Variants in SLC34A3 observed in about 807,000 individuals in gnomAD.
SLC34A3 encodes solute carrier family 34 member 3.
Under a neutral mutation model 43.9 loss-of-function variants are expected in SLC34A3, and 60 were observed. The observed-to-expected ratio is 1.37, with a 90% CI of 1.11 to 1.70. SLC34A3 has a LOEUF of 1.70. Among genes scored for constraint, SLC34A3 ranks in the 40% most tolerant of loss-of-function variants. The pLI, the probability that SLC34A3 is intolerant of heterozygous loss-of-function variation, is 0.00. For missense variants in SLC34A3, 969 were observed against 823.8 expected, an observed-to-expected ratio of 1.18 and a Z score of -2.16; for synonymous variants, 451 against 386.2, an observed-to-expected ratio of 1.17 and a Z score of -1.97.
chr9:137,234,810 G>A lies in SLC34A3; in HGVS notation c.1335+79G>A, dbSNP rs367885748. On this transcript the variant is annotated intron_variant, in intron 12 of 12. Transcript: ENST00000673835. The surrounding 1 kb of genome is among the most constrained non-coding windows in gnomAD (Gnocchi z 6.9). The stretch of plus-strand genomic sequence containing the variant: ...CAGACAGGAGTGTGTCACCAGCCCC[G>A]GGGCCCTAGGCTGGCTGTGCCCCCG... The A allele has an allele frequency of 5.3e-5, 85 of 1,592,414 alleles. No homozygotes were observed. The highest frequency in any genetic ancestry group is 1.5e-4 in the Admixed American group (9 of 59,802).
rs1836297463 is a variant in SLC34A3, at chr9:137,232,704, G to A, written c.304+1G>A. 1 of 1,612,848 alleles carries A rather than the reference G, an allele frequency of 6.2e-7. No homozygotes were observed. The highest frequency in any genetic ancestry group is 8.5e-7 in the Non-Finnish European group (1 of 1,179,968). On this transcript the variant is annotated splice_donor_variant, in intron 4 of 12. Coordinates refer to ENST00000673835, the MANE Select transcript of SLC34A3 (RefSeq NM_001177316.2). LOFTEE classifies it high-confidence loss of function. ...AGCTCCGCCTTCCAGCTGCTGGGCA[G>A]TGAGTGACGGGACGGGTGCCCAGGG...
At position 137,236,403 on chromosome 9, in the gene SLC34A3, C is replaced by T; in HGVS notation, c.1787C>T (p.Ser596Phe). The change falls in exon 13 of 13, where the codon TCC becomes TTC. Residue 596 changes from serine to phenylalanine, a missense_variant. Transcript: ENST00000673835. ...YCYENPEILA[S>F]QQL The stretch of plus-strand genomic sequence containing the variant: ...TACGAGAACCCTGAGATCTTGGCCT[C>T]CCAGCAGTTGTGACGGGCAGTTGCT... 6.5e-7 allele frequency: 1 copy of T among 1,537,272 alleles called. No individual in the cohort carries two copies. Among genetic ancestry groups the T allele is most frequent in the Non-Finnish European group, 8.7e-7 (1 of 1,146,714 alleles).
Position 137,233,316 on chromosome 9 carries a change from C to T in SLC34A3, c.668C>T (p.Ala223Val), listed in dbSNP as rs1465859696. 6.3e-7 allele frequency: 1 copy of T among 1,597,388 alleles called. No individual in the cohort carries two copies. Among genetic ancestry groups the T allele is most frequent in the Non-Finnish European group, 8.5e-7 (1 of 1,172,970 alleles). ...TALLERLSEL[A>V]LGAASLTPRA... is the part of the protein sequence containing the mutation. ...CTGCTGGAGAGGCTAAGTGAGCTAG[C>T]CCTGGGTGCCGCCAGCCTGACACCC... The change falls in exon 7 of 13, where the codon GCC becomes GTC. Residue 223 changes from alanine (A) to valine (V), a missense_variant. Ala to Val is a moderately conservative substitution (Grantham distance 64). Transcript: ENST00000673835.
At position 137,233,664 on chromosome 9, in the gene SLC34A3, C is replaced by T; in HGVS notation, c.788C>T (p.Thr263Ile). The change falls in exon 8 of 13, where the codon ACA becomes ATA. Residue 263 changes from threonine (T) to isoleucine (I), a missense_variant. Thr to Ile is a moderately conservative substitution (Grantham distance 89, BLOSUM62 -1). Transcript: ENST00000673835. Reference sequence around the variant, plus strand: ...TCCGACATGATCATGAGCAGTGCCACAGGCAACGCCACTAACAGCAGTCTC... The same window carrying T: ...TCCGACATGATCATGAGCAGTGCCATAGGCAACGCCACTAACAGCAGTCTC... ...LDSDMIMSSA[T>I]GNATNSSLIK... 6.2e-7 allele frequency: 1 copy of T among 1,612,800 alleles called. No homozygotes were observed. Among genetic ancestry groups the T allele is most frequent in the East Asian group, 2.2e-5 (1 of 44,860 alleles).
intron 4 of SLC34A3, 26 bp from the exon 5 acceptor site, chr9:137,232,758 T>G (rs1428878472): frequency 1.2e-6 from 2 of 1,612,944 alleles, no homozygotes; most frequent in South Asian, 2.2e-5. Flanking sequence ...CTCCGCAGCT[T>G]CAGCGCACCT....
At chr9:137,230,109 G>C (rs1232522938), upstream of SLC34A3, among the ~76,000 whole-genome samples, 1 of 152,150 alleles carries the variant, frequency 6.6e-6, no homozygotes, top group African/African-American at 2.4e-5. Flanking sequence ...CCCTGGGCAG[G>C]GTGAGCCTCT....
chr9:137,233,779 T>TTGCGCCCCCCCC, intron 8 of SLC34A3, 57 bp downstream of exon 8: 1 of 1,445,822 alleles, frequency 6.9e-7, no homozygotes, highest in Non-Finnish European at 9.6e-7. Context: ...TGCTGAGTCA[T>TTGCGCCCCCCCC]CCCGCCCCAC....
In SLC34A3 at chr9:137,232,116, C is replaced by T. The variant is rs1836255839; in HGVS notation, c.130C>T (p.Pro44Ser). The change falls in exon 3 of 13, where the codon CCC becomes TCC. Residue 44 changes from proline to serine, a missense_variant. By Grantham distance (74) the Pro-to-Ser change is moderately conservative. Transcript: ENST00000673835. Reference protein sequence around the residue: ...APVLEEGDTDPWTLPQLKDTS... With the variant: ...APVLEEGDTDSWTLPQLKDTS... ...AGTCTTGGAGGAAGGGGACACAGAC[C>T]CCTGGACCCTCCCTCAGCTGAAGGA... 9 of 1,613,186 alleles carry T rather than the reference C, an allele frequency of 5.6e-6. No individual in the cohort carries two copies. Among genetic ancestry groups the T allele is most frequent in the Non-Finnish European group, 7.6e-6 (9 of 1,180,010 alleles).
At chr9:137,233,779 T>TTGGGGCCCCCCCCCCCCCCCCCCCCC in intron 8 of SLC34A3, 57 bp downstream of exon 8, 13 of 1,445,536 alleles carry the variant, frequency 9.0e-6, no homozygotes, top group East Asian at 7.0e-5. Flanking sequence ...TGCTGAGTCA[T>TTGGGGCCCCCCCCCCCCCCCCCCCCC]CCCGCCCCAC....
At chr9:137,230,139 C>A (rs1187699827), upstream of SLC34A3, among the ~76,000 whole-genome samples, 1 of 152,096 alleles carries the variant, frequency 6.6e-6, no homozygotes, top group Admixed American at 6.5e-5. Flanking sequence ...GCCCCGCACC[C>A]CAGGGCAGGA....
In SLC34A3 at chr9:137,232,874, T is replaced by C; in HGVS notation, c.395T>C (p.Val132Ala). The C allele has an allele frequency of 6.2e-7, 1 of 1,611,908 alleles. No individual in the cohort carries two copies. Among genetic ancestry groups the C allele is most frequent in the Non-Finnish European group, 8.5e-7 (1 of 1,179,522 alleles). ...ATTGGCGTGCTGGTCACAGCCCTGGTGCAGAGTTCCAGCACGTCCTCCTCC... is the reference window on the plus strand; with the variant it reads ...ATTGGCGTGCTGGTCACAGCCCTGGCGCAGAGTTCCAGCACGTCCTCCTCC... The part of the protein sequence containing the change: ...LVIGVLVTAL[V>A]QSSSTSSSIV... Residue 132 changes from valine (V) to alanine (A), a missense_variant, in exon 5 of 13, where the codon GTG becomes GCG. By Grantham distance (64) the Val-to-Ala change is moderately conservative. Coordinates refer to ENST00000673835, the MANE Select transcript of SLC34A3 (RefSeq NM_001177316.2).
chr9:137,233,779 T>TTTGGGGGC, intron 8 of SLC34A3, 57 bp downstream of exon 8: 1 of 1,445,820 alleles, frequency 6.9e-7, no homozygotes, highest in Non-Finnish European at 9.6e-7. Flanking sequence ...TGCTGAGTCA[T>TTTGGGGGC]CCCGCCCCAC....
chr9:137,232,439 G>A (rs1836274751), intron 3 of SLC34A3, 136 bp from the exon 4 acceptor site: 1 of 1,296,686 alleles, frequency 7.7e-7, no homozygotes. Context: ...CCCTGCCCTG[G>A]GGGTTACGGA....
At position 137,233,915 on chromosome 9, in the gene SLC34A3, G is replaced by C; in HGVS notation, c.899G>C (p.Ser300Thr). Reference sequence around the variant, plus strand: ...TTCGGCCCGTGCACAGAGAAGAACAGCACAGCCCCGGCGGACAGGCTGCCC... The same window carrying C: ...TTCGGCCCGTGCACAGAGAAGAACACCACAGCCCCGGCGGACAGGCTGCCC... The part of the protein sequence containing the change: ...GAFGPCTEKN[S>T]TAPADRLPCR... The change falls in exon 9 of 13, where the codon AGC becomes ACC. Residue 300 changes from serine to threonine, a missense_variant. Physicochemically the swap from Ser to Thr is moderately conservative, Grantham distance 58 (BLOSUM62 1). Coordinates refer to ENST00000673835, the MANE Select transcript of SLC34A3 (RefSeq NM_001177316.2). 2 of 1,586,464 alleles carry C rather than the reference G, an allele frequency of 1.3e-6. No individual in the cohort carries two copies. Among genetic ancestry groups the C allele is most frequent in the Non-Finnish European group, 1.7e-6 (2 of 1,166,780 alleles).
At chr9:137,232,966 G>A (rs1162009178) in intron 5 of SLC34A3, 38 bp from the exon 6 acceptor site, 6 of 1,607,196 alleles carry the variant, frequency 3.7e-6, no homozygotes, top group Non-Finnish European at 5.1e-6. Context: ...GGGGGGGGCA[G>A]GGTGGGCCGC....
At chr9:137,231,881 C>G in intron 2 of SLC34A3, 94 bp downstream of exon 2, 2 of 1,252,302 alleles carry the variant, frequency 1.6e-6, no homozygotes, top group Non-Finnish European at 2.3e-6. Flanking sequence ...TGCGGGCCTC[C>G]CGGGGAACCC....
intron 12 of SLC34A3, among the ~76,000 whole-genome samples, chr9:137,235,335 C>T (rs550642167): frequency 6.6e-6 from 1 of 152,290 alleles, no homozygotes; most frequent in Admixed American, 6.5e-5. Context: ...GTTCAGCTCC[C>T]GAAACTCCGG....
chr9:137,233,430 A>G lies in SLC34A3; in HGVS notation c.756+26A>G. 3.1e-6 allele frequency: 5 copies of G among 1,591,180 alleles called. No homozygotes were observed. The South Asian group carries it at 3.4e-5, about 11-fold the overall frequency. ...GTGAGGACGGCCACCGCCCCCGCCC[A>G]GAGAGCCTGAGCAGGCCGGATGGGA... is the stretch of plus-strand genomic sequence containing the variant. On this transcript the variant is annotated intron_variant, in intron 7 of 12. Transcript: ENST00000673835.
intron 1 of SLC34A3, 105 bp from the exon 2 acceptor site, chr9:137,231,559 G>T: frequency 1.3e-6 from 1 of 747,406 alleles, no homozygotes. Context: ...AGGGAGGGTG[G>T]CGGCCAAGGG....
Sources: allele counts gnomAD v4.1 joint callset (sites outside exome capture counted in the v4.1 genomes callset), GRCh38; gene constraint gnomAD v4.1.1; non-coding constraint Gnocchi (gnomAD v3.1); transcripts MANE v1.5; gene names NCBI Gene and HGNC (gene_info 2026-07-23, HGNC 2026-07-21).